XKR5: variants seen among roughly 807,000 people sequenced by gnomAD.
The protein encoded by XKR5 is XK-related protein 5.
A neutral mutation model predicts 40.8 loss-of-function variants in XKR5; 46 were observed. That is an observed-to-expected ratio of 1.13 (90% CI 0.89 to 1.44). The LOEUF (loss-of-function observed/expected upper bound fraction) is 1.44. Among genes scored for constraint, XKR5 ranks in the 40% most tolerant of loss-of-function variants. The pLI is 0.00. For missense variants in XKR5, 1,169 were observed against 844.7 expected (o/e 1.38, Z -4.76); for synonymous variants, 466 against 356.1 (o/e 1.31, Z -3.48).
chr8:6,813,612 T>A (rs1351637415), intron 6 of XKR5, among the ~76,000 whole-genome samples: 7 of 152,100 alleles, frequency 4.6e-5, no homozygotes, highest in Admixed American at 4.6e-4. Flanking sequence ...TTCCCAAGGG[T>A]CGGCTGGGAG....
chr8:6,815,890 A>C lies in XKR5; in HGVS notation c.836T>G (p.Leu279Trp). 6.2e-7 allele frequency: 1 copy of C among 1,603,392 alleles called. No individual in the cohort carries two copies. Among genetic ancestry groups the C allele is most frequent in the African/African-American group, 1.3e-5 (1 of 74,766 alleles). The change falls in exon 6 of 7, where the codon TTG (leucine) becomes TGG (tryptophan). Residue 279 changes from leucine to tryptophan, a missense_variant. By Grantham distance (61) the Leu-to-Trp change is moderately conservative. Transcript: ENST00000618742. Reference sequence around the variant, plus strand: ...CTGGAGAAAGTCGGTGGCCAACAGCAACAGGATGATGTTCTCCAACAGCAT... The same window carrying C: ...CTGGAGAAAGTCGGTGGCCAACAGCCACAGGATGATGTTCTCCAACAGCAT... ...MVMLLENIIL[L>W]LLATDFLQGA...
At chr8:6,818,171 C>T (rs542138423) in intron 5 of XKR5, among the ~76,000 whole-genome samples, 4 of 152,324 alleles carry the variant, frequency 2.6e-5, no homozygotes, top group South Asian at 4.1e-4. Context: ...GGACGCTGTG[C>T]GCACTCACTT....
chr8:6,825,362 A>G lies in XKR5; in HGVS notation c.243-13T>C. On this transcript the variant is annotated splice_polypyrimidine_tract_variant and intron_variant, in intron 2 of 6. Coordinates refer to ENST00000618742, the MANE Select transcript of XKR5 (RefSeq NM_207411.5). ...AGCGTCCCAGTGCCTAGGGAACAGC[A>G]GAGGGCACGTGACACGGAGCCAGGC... is the stretch of plus-strand genomic sequence containing the variant. The G allele has an allele frequency of 6.6e-7, 1 of 1,523,822 alleles. No individual in the cohort carries two copies. The highest frequency in any genetic ancestry group is 8.8e-7 in the Non-Finnish European group (1 of 1,140,976). 94.4% of individuals were successfully genotyped at this position (1,523,822 alleles called of 1,614,324 possible).
intron 2 of XKR5, among the ~76,000 whole-genome samples, chr8:6,830,004 A>T (rs113012219): frequency 1.3e-5 from 2 of 151,346 alleles, no homozygotes; most frequent in African/African-American, 4.9e-5. Flanking sequence ...CGCCCGGCTA[A>T]TTTTTTGTAT....
At chr8:6,825,086 GGGTTTT>G in intron 3 of XKR5, 73 bp downstream of exon 3, 1 of 1,547,920 alleles carries the variant, frequency 6.5e-7, no homozygotes, top group East Asian at 2.3e-5. Flanking sequence ...CTCGAAGGGA[GGGTTTT>G]GCTAAACAGG....
chr8:6,831,802 T>A (rs1226830538), intron 2 of XKR5, among the ~76,000 whole-genome samples: 1 of 151,844 alleles, frequency 6.6e-6, no homozygotes, highest in African/African-American at 2.4e-5. Context: ...GATCACGAGG[T>A]CAGGAGACCG....
intron 6 of XKR5, 129 bp from the exon 7 acceptor site, chr8:6,812,468 TTGGAGCCTCAGAAC>T: frequency 4.3e-6 from 4 of 936,254 alleles, no homozygotes; most frequent in Non-Finnish European, 6.2e-6. Context: ...AGGACTCTTG[TTGGAGCCTCAGAAC>T]TGGATATTTC....
intron 2 of XKR5, among the ~76,000 whole-genome samples, chr8:6,828,574 G>A (rs957924393): frequency 2.6e-5 from 4 of 152,160 alleles, no homozygotes; most frequent in African/African-American, 4.8e-5. Context: ...AAGCTGAGGC[G>A]GGATGGAGAG....
intron 6 of XKR5, among the ~76,000 whole-genome samples, chr8:6,812,950 G>A (rs540732934): frequency 6.6e-6 from 1 of 152,248 alleles, no homozygotes; most frequent in East Asian, 1.9e-4. Context: ...TTGATCAGAA[G>A]TGTTGACTGC....
In XKR5 at chr8:6,811,516, T is replaced by G. The variant is rs1803686844; in HGVS notation, c.1743A>C (p.Ala581=). The change falls in exon 7 of 7, where the codon GCA becomes GCC. Residue 581 remains alanine (A), a synonymous_variant. Transcript: ENST00000618742. ...GCGCCAAGCCCACTGGGTGGGGCGATGCAGGCTGGGCAGGGCTGCTCTTTC... is the reference window on the plus strand; with the variant it reads ...GCGCCAAGCCCACTGGGTGGGGCGAGGCAGGCTGGGCAGGGCTGCTCTTTC... The part of the protein sequence containing the change: ...RLGKSSPAQP[A]SPHPVGLAPF... 4 of 1,530,906 alleles carry G rather than the reference T, an allele frequency of 2.6e-6. No homozygotes were observed. In the Admixed American group the frequency reaches 7.9e-5, roughly 30 times the overall value. The allele number at this position is 1,530,906 out of a possible 1,614,324, so 94.8% of individuals were successfully genotyped here.
chr8:6,822,449 T>C (rs961885232), intron 4 of XKR5, among the ~76,000 whole-genome samples: 7 of 152,228 alleles, frequency 4.6e-5, no homozygotes, highest in African/African-American at 9.6e-5. Context: ...CAGCTTTAAT[T>C]TTTATGCCCA....
chr8:6,816,458 C>T (rs777417686), intron 5 of XKR5, among the ~76,000 whole-genome samples: 19 of 152,142 alleles, frequency 1.2e-4, no homozygotes, highest in South Asian at 2.1e-4. Context: ...AGCCTGGCCC[C>T]GTGGCTGCAG....
rs143080012 is a variant in XKR5, at chr8:6,830,245, T to G, written c.242+2472A>C. Among the ~76,000 whole-genome samples, 279 of 152,342 alleles carry G rather than the reference T, an allele frequency of 1.8e-3. 2 individuals carry two copies. Among genetic ancestry groups the G allele is most frequent in the African/African-American group, 6.4e-3 (265 of 41,578 alleles). ...CTCAAAGTGACCTATTCTTAGGCAA[T>G]TCAAAATTGTGCCAAACGCAATTGT... On this transcript the variant is annotated intron_variant, in intron 2 of 6. Coordinates refer to ENST00000618742, the MANE Select transcript of XKR5 (RefSeq NM_207411.5).
intron 2 of XKR5, among the ~76,000 whole-genome samples, chr8:6,830,226 G>A (rs1403465736): frequency 2.0e-5 from 3 of 152,198 alleles, no homozygotes; most frequent in African/African-American, 7.2e-5. Context: ...GACACTCAAA[G>A]TGACCTATTC....
At chr8:6,814,470 G>C (rs1194729190) in intron 6 of XKR5, among the ~76,000 whole-genome samples, 2 of 152,086 alleles carry the variant, frequency 1.3e-5, no homozygotes, top group East Asian at 3.9e-4. Flanking sequence ...CAGGAGGGAA[G>C]GAGGTGGCAG....
rs1803571141 is a variant in XKR5, at chr8:6,809,150, T to G, written c.*2048A>C. The G allele has an allele frequency of 1.3e-5, 2 of 151,744 alleles. No individual in the cohort carries two copies. Among genetic ancestry groups the G allele is most frequent in the Non-Finnish European group, 2.9e-5 (2 of 68,026 alleles). 9.4% of individuals were successfully genotyped at this position (151,744 alleles called of 1,614,324 possible). A position where few individuals can be genotyped will look rare whatever the true frequency, so the allele number is the denominator to read the frequency against. On this transcript the variant is annotated 3_prime_UTR_variant, in exon 7 of 7. Transcript: ENST00000618742. ...ACCAAGAGGAGATGTTTGAGTGGAG[T>G]CTTGGAGGACAAATGGGGAGGGCTG...
chr8:6,814,249 G>A (rs539556223), intron 6 of XKR5, among the ~76,000 whole-genome samples: 6 of 152,252 alleles, frequency 3.9e-5, no homozygotes, highest in East Asian at 3.9e-4. Flanking sequence ...CCAGATGCCC[G>A]TCCATGGGTC....
chr8:6,820,937 A>C (rs1203937046), intron 5 of XKR5, among the ~76,000 whole-genome samples: 1 of 152,214 alleles, frequency 6.6e-6, no homozygotes, highest in Non-Finnish European at 1.5e-5. Flanking sequence ...CATATGAATA[A>C]TGGCCACAAT....
Position 6,821,912 on chromosome 8 carries a change from A to G in XKR5, c.764T>C (p.Phe255Ser), listed in dbSNP as rs1303270146. 1 of 1,613,538 alleles carries G rather than the reference A, an allele frequency of 6.2e-7. No homozygotes were observed. The highest frequency in any genetic ancestry group is 2.2e-5 in the East Asian group (1 of 44,876). The change falls in exon 5 of 7, where the codon TTC becomes TCC. Residue 255 changes from phenylalanine (F) to serine (S), a missense_variant. Coordinates refer to ENST00000618742, the MANE Select transcript of XKR5 (RefSeq NM_207411.5). ...CCTATTTCTAGAAGGGCTGTCCCAG[A>G]AGCTGAGGTAGCAGAGGATGTACAC... is the stretch of plus-strand genomic sequence containing the variant. ...GAVYILCYLS[F>S]WDSPSRNRMV... is the part of the protein sequence containing the mutation.
Sources: gnomAD v4.1 joint callset for allele counts (sites outside exome capture counted in the v4.1 genomes callset) on GRCh38, gnomAD v4.1.1 for gene constraint, MANE v1.5 for transcripts, NCBI Gene and HGNC (gene_info 2026-07-23, HGNC 2026-07-21) for gene names.